Variants in GABRA2 observed in about 807,000 individuals in gnomAD.
GABRA2 encodes the protein gamma-aminobutyric acid receptor subunit alpha-2.
A neutral mutation model predicts 48.7 loss-of-function variants in GABRA2; 16 were observed. The observed-to-expected ratio is 0.33, with a 90% CI of 0.22 to 0.50. The LOEUF (loss-of-function observed/expected upper bound fraction) is 0.50, where lower values mean the gene tolerates loss of function less well. Among genes scored for constraint, GABRA2 ranks in the 20% least tolerant of loss-of-function variants. The probability of loss-of-function intolerance (pLI) is 0.98; values close to 1 mark genes in which losing one functional copy is unlikely to be tolerated. For synonymous variants in GABRA2, 185 were observed against 184.5 expected (o/e 1.00, Z -0.02); for missense variants, 275 against 535.6 (o/e 0.51, Z 4.80).
intron 3 of GABRA2, among the ~76,000 whole-genome samples, chr4:46,380,277 TG>T (rs1420388897): frequency 6.6e-6 from 1 of 152,230 alleles, no homozygotes; most frequent in African/African-American, 2.4e-5. Flanking sequence ...TCATTGGTTT[TG>T]TTTTCAGGGG....
At chr4:46,256,352 C>A in intron 9 of GABRA2, 1 of 666,112 alleles carries the variant, frequency 1.5e-6, no homozygotes, top group South Asian at 1.7e-5. Flanking sequence ...TAATGTAATG[C>A]CTTCAGCTTT....
chr4:46,356,015 T>C (rs1735903453), intron 3 of GABRA2, among the ~76,000 whole-genome samples: 1 of 152,188 alleles, frequency 6.6e-6, no homozygotes. Flanking sequence ...TTCACAGAAC[T>C]TGGTGAAATG....
At chr4:46,383,694 A>G (rs868565968) in intron 3 of GABRA2, among the ~76,000 whole-genome samples, 12 of 152,322 alleles carry the variant, frequency 7.9e-5, no homozygotes, top group Middle Eastern at 3.4e-3. Flanking sequence ...TGGGTGCTTC[A>G]ATTCAGTTAA....
In GABRA2 at chr4:46,245,709, C is replaced by T. The variant is rs940306648; in HGVS notation, c.*4599G>A. Among the ~76,000 whole-genome samples, 4 of 151,248 alleles carry T rather than the reference C, an allele frequency of 2.6e-5. No individual in the cohort carries two copies. The highest frequency in any genetic ancestry group is 3.4e-3 in the Middle Eastern group (1 of 294). On this transcript the variant is annotated 3_prime_UTR_variant, in exon 10 of 10. Transcript: ENST00000381620. ...CCTAGGAATTACACACATACACACTCGCAAACATACACACATCACTGACAC... is the reference window on the plus strand; with the variant it reads ...CCTAGGAATTACACACATACACACTTGCAAACATACACACATCACTGACAC...
At chr4:46,304,706 G>A (rs1394641460) in intron 7 of GABRA2, among the ~76,000 whole-genome samples, 1 of 151,858 alleles carries the variant, frequency 6.6e-6, no homozygotes. Flanking sequence ...GAGGCAGGCT[G>A]ATCACGAGGT....
intron 3 of GABRA2, among the ~76,000 whole-genome samples, chr4:46,335,862 C>G (rs960579097): frequency 1.3e-5 from 2 of 152,134 alleles, no homozygotes; most frequent in African/African-American, 4.8e-5. Flanking sequence ...GTTAACTGCT[C>G]CTTTGCATTT....
rs561931168 is a variant in GABRA2 at position 46,257,013 on chromosome 4, A to G, written c.1059+4913T>C. Among the ~76,000 whole-genome samples the G allele has an allele frequency of 9.2e-5, 14 of 151,802 alleles. No individual in the cohort carries two copies. In the East Asian group the frequency reaches 1.9e-3, roughly 21 times the overall value. On this transcript the variant is annotated intron_variant, in intron 9 of 9. Transcript: ENST00000381620. ...AAGCAATCTCAAGGAATTAAAGTAA[A>G]TACATTTTTTTATCAACTCAATAAG...
In GABRA2 at chr4:46,245,128, A is replaced by G. The variant is rs1441886536; in HGVS notation, c.*5180T>C. ...AGAAATCCTAGATTTCCAGAGCTTC[A>G]AGAATCACACAGTGATGATGGCTGC... On this transcript the variant is annotated 3_prime_UTR_variant, in exon 10 of 10. Transcript: ENST00000381620. Among the ~76,000 whole-genome samples, 5 of 151,322 alleles carry G rather than the reference A, an allele frequency of 3.3e-5. No homozygotes were observed. Among genetic ancestry groups the G allele is most frequent in the African/African-American group, 1.2e-4 (5 of 41,368 alleles).
chr4:46,243,617 A>AT lies in GABRA2; in HGVS notation c.*6690dup, dbSNP rs975728347. ...TTAATTTGCATGTGATTAGTTAGGA[A>AT]TTTTTTAAACAGCAAGCATGACATA... On this transcript the variant is annotated 3_prime_UTR_variant, in exon 10 of 10. Transcript: ENST00000381620. The AT allele has an allele frequency of 2.0e-5, 3 of 151,560 alleles. No homozygotes were observed. Among genetic ancestry groups the AT allele is most frequent in the Non-Finnish European group, 3.0e-5 (2 of 67,634 alleles). The allele number at this position is 151,560 out of a possible 1,614,324, so 9.4% of individuals were successfully genotyped here.
At chr4:46,358,198 G>A (rs1430347094) in intron 3 of GABRA2, among the ~76,000 whole-genome samples, 6 of 151,994 alleles carry the variant, frequency 3.9e-5, no homozygotes, top group Non-Finnish European at 8.8e-5. Context: ...TATTAATGCA[G>A]TTTTTTTCTC....
At position 46,328,550 on chromosome 4, in the gene GABRA2, A is replaced by G. The variant is rs537619322; in HGVS notation, c.255+4065T>C. 4.1e-3 allele frequency among the ~76,000 whole-genome samples: 624 copies of G among 152,124 alleles called. 4 individuals carry two copies. The highest frequency in any genetic ancestry group is 0.015 in the African/African-American group (607 of 41,520). The stretch of plus-strand genomic sequence containing the variant: ...TATTAACAAATTGCTTCTGTAAGGT[A>G]TTCATTAGATATCTCCACATCCACT... On this transcript the variant is annotated intron_variant, in intron 4 of 9. Transcript: ENST00000381620.
intron 4 of GABRA2, among the ~76,000 whole-genome samples, chr4:46,331,352 G>C (rs186271908): frequency 2.2e-4 from 33 of 152,236 alleles, no homozygotes; most frequent in African/African-American, 7.9e-4. Flanking sequence ...TGAGGTCAGA[G>C]GTGTGGCTCT....
intron 4 of GABRA2, among the ~76,000 whole-genome samples, chr4:46,322,895 G>A (rs1419403280): frequency 6.6e-6 from 1 of 151,944 alleles, no homozygotes; most frequent in Non-Finnish European, 1.5e-5. Context: ...ATTCGCAGGT[G>A]TCAAGTGACT....
chr4:46,314,469 TTTAC>T (rs1728204845), intron 4 of GABRA2, among the ~76,000 whole-genome samples: 1 of 152,058 alleles, frequency 6.6e-6, no homozygotes, highest in South Asian at 2.1e-4. Flanking sequence ...AATGATGTAT[TTTAC>T]TTATTTATTT....
intron 3 of GABRA2, among the ~76,000 whole-genome samples, chr4:46,356,390 G>C (rs981710889): frequency 6.2e-5 from 9 of 144,222 alleles, no homozygotes; most frequent in Non-Finnish European, 1.2e-4. Context: ...CCCTGGCCAG[G>C]AAGAAAACAT....
At position 46,389,803 on chromosome 4, in the gene GABRA2, G is replaced by A; in HGVS notation, c.-79C>T. The A allele has an allele frequency of 2.1e-5, 3 of 145,460 alleles. No homozygotes were observed. The highest frequency in any genetic ancestry group is 9.8e-4 in the East Asian group (1 of 1,022). The allele number at this position is 145,460 out of a possible 1,614,324, so 9.0% of individuals were successfully genotyped here. On this transcript the variant is annotated 5_prime_UTR_variant, in exon 1 of 10. Transcript: ENST00000381620. ...GATCTTGACGAGATAGGAAACTTGGGAGAGAGAGAGAGAGAGAGAGAGAGA... is the reference window on the plus strand; with the variant it reads ...GATCTTGACGAGATAGGAAACTTGGAAGAGAGAGAGAGAGAGAGAGAGAGA...
chr4:46,343,938 TAA>T (rs879609403), intron 3 of GABRA2, among the ~76,000 whole-genome samples: 4 of 151,872 alleles, frequency 2.6e-5, no homozygotes, highest in South Asian at 4.1e-4. Context: ...TCTTTATCCC[TAA>T]AAAGAGAAAA....
intron 7 of GABRA2, among the ~76,000 whole-genome samples, chr4:46,304,374 T>G (rs575707939): frequency 6.6e-6 from 1 of 152,318 alleles, no homozygotes; most frequent in African/African-American, 2.4e-5. Flanking sequence ...GTCACTTCTA[T>G]CTAATCCTCA....
intron 2 of GABRA2, among the ~76,000 whole-genome samples, chr4:46,387,630 A>G (rs753742288): frequency 3.9e-5 from 6 of 152,156 alleles, no homozygotes; most frequent in Non-Finnish European, 8.8e-5. Flanking sequence ...TTTCTTAATC[A>G]CATTTTATAT....
Sources: allele counts gnomAD v4.1 joint callset (sites outside exome capture counted in the v4.1 genomes callset), GRCh38; gene constraint gnomAD v4.1.1; transcripts MANE v1.5; gene names NCBI Gene and HGNC (gene_info 2026-07-23, HGNC 2026-07-21).